The following VEPH1 variants were observed in gnomAD, a reference collection of about 807,000 sequenced individuals.
VEPH1 encodes the protein ventricular zone expressed PH domain containing 1, also known as ventricular zone-expressed PH domain-containing protein homolog 1.
A neutral mutation model predicts 85.2 loss-of-function variants in VEPH1; 80 were observed. The ratio of observed to expected loss-of-function variants is 0.94; its 90% CI spans 0.78 to 1.13. The LOEUF (loss-of-function observed/expected upper bound fraction) is 1.13, where lower values mean the gene tolerates loss of function less well. Ranked by LOEUF, VEPH1 falls within the 50% of genes most tolerant of loss-of-function variation. The pLI, the probability that VEPH1 is intolerant of heterozygous loss-of-function variation, is 0.00. For missense variants in VEPH1, 955 were observed against 980.5 expected (o/e 0.97, Z 0.35); for synonymous variants, 297 against 348.0 (o/e 0.85, Z 1.63).
chr3:157,436,514 AT>A (rs1253603707), intron 4 of VEPH1, among the ~76,000 whole-genome samples: 1 of 152,114 alleles, frequency 6.6e-6, no homozygotes, highest in Non-Finnish European at 1.5e-5. Context: ...TGAAATGATG[AT>A]TTGCTTCAGT....
intron 12 of VEPH1, among the ~76,000 whole-genome samples, chr3:157,280,170 A>G (rs1471159898): frequency 1.3e-5 from 2 of 152,148 alleles, no homozygotes; most frequent in Non-Finnish European, 2.9e-5. Context: ...CTTTTAAAAT[A>G]TACTAAGTAT....
chr3:157,480,108 A>G (rs771735053), intron 2 of VEPH1, among the ~76,000 whole-genome samples: 17 of 92,290 alleles, frequency 1.8e-4, no homozygotes, highest in Admixed American at 2.6e-4. Context: ...CTTTCTTTCT[A>G]ATAGATATCT....
intron 4 of VEPH1, chr3:157,437,903 G>T (rs1483440153): frequency 1.3e-6 from 2 of 1,523,554 alleles, no homozygotes; most frequent in Non-Finnish European, 1.7e-6. Context: ...GCCCGGAGCT[G>T]GCTGCCGGCA....
intron 12 of VEPH1, among the ~76,000 whole-genome samples, chr3:157,272,488 C>T (rs192729090): frequency 6.9e-6 from 1 of 144,202 alleles, no homozygotes; most frequent in African/African-American, 2.6e-5. Flanking sequence ...TTCAGGGTCT[C>T]ACTCTGTCAC....
At chr3:157,358,723 C>T (rs978948866) in intron 9 of VEPH1, among the ~76,000 whole-genome samples, 1 of 152,068 alleles carries the variant, frequency 6.6e-6, no homozygotes, top group African/African-American at 2.4e-5. Flanking sequence ...AATAATTAAT[C>T]TCATTTTAAG....
At chr3:157,398,354 G>T (rs907413170) in intron 6 of VEPH1, among the ~76,000 whole-genome samples, 1 of 152,156 alleles carries the variant, frequency 6.6e-6, no homozygotes, top group African/African-American at 2.4e-5. Flanking sequence ...AGGAGTTGTC[G>T]ACCAGGAGCG....
At chr3:157,366,908 G>C (rs1020570164) in intron 7 of VEPH1, among the ~76,000 whole-genome samples, 3 of 152,166 alleles carry the variant, frequency 2.0e-5, no homozygotes, top group African/African-American at 4.8e-5. Context: ...AGCAGGGTTG[G>C]ATAGTGAAGT....
intron 6 of VEPH1, among the ~76,000 whole-genome samples, chr3:157,400,932 T>C (rs1730747538): frequency 6.6e-6 from 1 of 152,142 alleles, no homozygotes; most frequent in Admixed American, 6.5e-5. Flanking sequence ...GAATGAATTA[T>C]ACTTAGCCAC....
At chr3:157,288,727 G>T (rs1717096244) in intron 11 of VEPH1, among the ~76,000 whole-genome samples, 1 of 152,188 alleles carries the variant, frequency 6.6e-6, no homozygotes, top group African/African-American at 2.4e-5. Context: ...GCACCTGAAA[G>T]TGCCTATCAC....
intron 6 of VEPH1, among the ~76,000 whole-genome samples, chr3:157,406,870 G>A (rs1243291417): frequency 6.6e-6 from 1 of 152,024 alleles, no homozygotes; most frequent in Non-Finnish European, 1.5e-5. Flanking sequence ...ATACTGGTAT[G>A]TGCTTTCCAA....
chr3:157,415,461 C>CT (rs902534367), intron 5 of VEPH1, among the ~76,000 whole-genome samples: 1 of 152,168 alleles, frequency 6.6e-6, no homozygotes, highest in African/African-American at 2.4e-5. Flanking sequence ...GGGAAGGCCT[C>CT]TCTCAGCGGG....
At chr3:157,491,676 G>T (rs1739223759) in intron 2 of VEPH1, among the ~76,000 whole-genome samples, 1 of 152,088 alleles carries the variant, frequency 6.6e-6, no homozygotes, top group South Asian at 2.1e-4. Context: ...AGCTGAAAGT[G>T]CTAAGTAATA....
intron 11 of VEPH1, among the ~76,000 whole-genome samples, chr3:157,305,078 C>G (rs62281375): frequency 1.9e-5 from 1 of 52,392 alleles, no homozygotes; most frequent in Non-Finnish European, 3.8e-5. Context: ...CTTCCTATCT[C>G]TCTATTTCAT....
At chr3:157,330,314 A>G (rs1722361294) in intron 9 of VEPH1, among the ~76,000 whole-genome samples, 1 of 152,228 alleles carries the variant, frequency 6.6e-6, no homozygotes, top group Non-Finnish European at 1.5e-5. Flanking sequence ...AGATGAAGGC[A>G]TTTATGACCC....
intron 11 of VEPH1, among the ~76,000 whole-genome samples, chr3:157,293,134 A>G (rs1717727273): frequency 6.6e-6 from 1 of 152,186 alleles, no homozygotes; most frequent in African/African-American, 2.4e-5. Context: ...AGGTGTGAAA[A>G]TTGAACTCAT....
intron 2 of VEPH1, among the ~76,000 whole-genome samples, chr3:157,488,673 T>C (rs1408080604): frequency 6.6e-6 from 1 of 151,916 alleles, no homozygotes; most frequent in Non-Finnish European, 1.5e-5. Flanking sequence ...GTTCCAAAAT[T>C]ATAATGGCCA....
At chr3:157,454,892 T>C (rs1308127153) in intron 4 of VEPH1, among the ~76,000 whole-genome samples, 1 of 152,214 alleles carries the variant, frequency 6.6e-6, no homozygotes, top group African/African-American at 2.4e-5. Context: ...GGCCTCTAGC[T>C]GCATCCACGT....
At position 157,320,143 on chromosome 3, in the gene VEPH1, T is replaced by C. The variant is rs537279853; in HGVS notation, c.1736-2942A>G. ...TGAATGAATGGATGAGTGTCAGATATGTGTTGAGAGCAATAGGGGCCATGA... is the reference window on the plus strand; with the variant it reads ...TGAATGAATGGATGAGTGTCAGATACGTGTTGAGAGCAATAGGGGCCATGA... On this transcript the variant is annotated intron_variant, in intron 9 of 13. Coordinates refer to ENST00000362010, the MANE Select transcript of VEPH1 (RefSeq NM_001167912.2). Among the ~76,000 whole-genome samples, 12 of 152,260 alleles carry C rather than the reference T, an allele frequency of 7.9e-5. No individual in the cohort carries two copies. In the South Asian group the frequency reaches 2.3e-3, roughly 29 times the overall value.
At chr3:157,483,782 G>T (rs1056340752) in intron 2 of VEPH1, among the ~76,000 whole-genome samples, 1 of 152,096 alleles carries the variant, frequency 6.6e-6, no homozygotes, top group Non-Finnish European at 1.5e-5. Context: ...GATTTTGTCT[G>T]TTCTTTTTTT....
Sources: gnomAD v4.1 joint callset for allele counts (sites outside exome capture counted in the v4.1 genomes callset) on GRCh38, gnomAD v4.1.1 for gene constraint, MANE v1.5 for transcripts, NCBI Gene and HGNC (gene_info 2026-07-23, HGNC 2026-07-21) for gene names.